Variants in KDM4C observed in about 807,000 individuals in gnomAD.
KDM4C encodes the protein lysine demethylase 4C.
Under a neutral mutation model 129.3 loss-of-function variants are expected in KDM4C, and 81 were observed. The observed-to-expected ratio is 0.63, with a 90% CI of 0.52 to 0.75. The LOEUF (loss-of-function observed/expected upper bound fraction) is 0.75, where lower values mean the gene tolerates loss of function less well. Among genes scored for constraint, KDM4C ranks in the 30% least tolerant of loss-of-function variants. KDM4C has a pLI of 0.00. For missense variants in KDM4C, 1,457 were observed against 1,304.0 expected, an observed-to-expected ratio of 1.12 and a Z score of -1.81; for synonymous variants, 573 against 456.1, an observed-to-expected ratio of 1.26 and a Z score of -3.26.
chr9:7,112,039 G>A (rs531763668), intron 18 of KDM4C, among the ~76,000 whole-genome samples: 24 of 152,002 alleles, frequency 1.6e-4, no homozygotes, highest in Non-Finnish European at 3.1e-4. Context: ...TTACCCAATA[G>A]CTGTCTCTCA....
In KDM4C at chr9:6,752,332, CAAAAAAAAAAAAAA is replaced by C. The variant is rs1159747148; in HGVS notation, c.49+31351_49+31364del. 2.1e-4 allele frequency among the ~76,000 whole-genome samples: 4 copies of C among 19,260 alleles called. No homozygotes were observed. In the East Asian group the frequency reaches 4.9e-3, roughly 24 times the overall value. The allele number at this position is 19,260 out of a possible 152,430, so 12.6% of individuals were successfully genotyped here. A position where few individuals can be genotyped will look rare whatever the true frequency, so the allele number is the denominator to read the frequency against. ...TGGGCGACAGAGCGAAACTCCGTCTCAAAAAAAAAAAAAAAAAAAAAAAAAAAAATTAAGGAGGA... is the reference window on the plus strand; with the variant it reads ...TGGGCGACAGAGCGAAACTCCGTCTCAAAAAAAAAAAAAAATTAAGGAGGA... On this transcript the variant is annotated intron_variant, in intron 1 of 17. Transcript: ENST00000536108.
intron 15 of KDM4C, among the ~76,000 whole-genome samples, chr9:7,038,744 A>C (rs1564024395): frequency 6.6e-6 from 1 of 152,032 alleles, no homozygotes; most frequent in Non-Finnish European, 1.5e-5. Flanking sequence ...GACAATGTTA[A>C]ATTCTTCTCC....
chr9:6,901,513 C>A (rs1589012272), intron 8 of KDM4C, among the ~76,000 whole-genome samples: 2 of 152,162 alleles, frequency 1.3e-5, no homozygotes, highest in East Asian at 3.8e-4. Context: ...CTTCAGACAT[C>A]TTGCTGCCAA....
chr9:7,116,799 T>C lies in KDM4C; in HGVS notation c.2611-11267T>C, dbSNP rs550585867. On this transcript the variant is annotated intron_variant, in intron 18 of 21. Transcript: ENST00000381309. ...AGTCCAGAGAAACCTAGGAAGTTTGTGTTTTCTCTTTCTCTGTCATTCTCT... is the reference window on the plus strand; with the variant it reads ...AGTCCAGAGAAACCTAGGAAGTTTGCGTTTTCTCTTTCTCTGTCATTCTCT... Among the ~76,000 whole-genome samples, 3 of 152,304 alleles carry C rather than the reference T, an allele frequency of 2.0e-5. No individual in the cohort carries two copies. In the East Asian group the frequency reaches 5.8e-4, roughly 29 times the overall value.
At chr9:6,915,776 T>G (rs1362869745) in intron 8 of KDM4C, among the ~76,000 whole-genome samples, 1 of 152,130 alleles carries the variant, frequency 6.6e-6, no homozygotes, top group African/African-American at 2.4e-5. Context: ...AAAGGGCTAG[T>G]TTTACACTTC....
intron 7 of KDM4C, among the ~76,000 whole-genome samples, 168 bp from the exon 8 acceptor site, chr9:6,892,927 A>G (rs1270220841): frequency 6.6e-6 from 1 of 152,246 alleles, no homozygotes; most frequent in Non-Finnish European, 1.5e-5. Context: ...CGTTTCCTGA[A>G]AAAGCACTAT....
intron 17 of KDM4C, among the ~76,000 whole-genome samples, chr9:7,064,838 C>A (rs1454050501): frequency 6.6e-6 from 1 of 152,140 alleles, no homozygotes; most frequent in East Asian, 1.9e-4. Flanking sequence ...GGACAGTGAA[C>A]AACTGTCTTC....
chr9:6,883,845 T>A (rs1844846860), intron 6 of KDM4C, among the ~76,000 whole-genome samples: 1 of 152,072 alleles, frequency 6.6e-6, no homozygotes, highest in Non-Finnish European at 1.5e-5. Flanking sequence ...CTTGGTGACT[T>A]GTGCGTAGAT....
Position 7,128,171 on chromosome 9 carries a change from A to T in KDM4C, c.2716A>T (p.Thr906Ser). 1 of 1,612,796 alleles carries T rather than the reference A, an allele frequency of 6.2e-7. No individual in the cohort carries two copies. Among genetic ancestry groups the T allele is most frequent in the Non-Finnish European group, 8.5e-7 (1 of 1,179,460 alleles). Residue 906 changes from threonine to serine, a missense_variant, in exon 19 of 22, where the codon ACC (threonine) becomes TCC (serine). Physicochemically the swap from Thr to Ser is moderately conservative, Grantham distance 58. Transcript: ENST00000381309. Reference sequence around the variant, plus strand: ...CAGAGTGATGGCTGTGACATCGCAGACCTTCTATGAGGTCATGTTTGATGA... The same window carrying T: ...CAGAGTGATGGCTGTGACATCGCAGTCCTTCTATGAGGTCATGTTTGATGA... ...SCRVMAVTSQ[T>S]FYEVMFDDGS...
At chr9:7,015,548 A>G (rs1159030017) in intron 14 of KDM4C, among the ~76,000 whole-genome samples, 1 of 152,162 alleles carries the variant, frequency 6.6e-6, no homozygotes, top group Non-Finnish European at 1.5e-5. Context: ...TATTTTTGAC[A>G]TTTCCTTAAA....
At chr9:6,753,868 CTTTTTTTTTTTTTTT>C (rs869158656), upstream of KDM4C, among the ~76,000 whole-genome samples, 1 of 80,368 alleles carries the variant, frequency 1.2e-5, no homozygotes, top group African/African-American at 5.1e-5. Context: ...TCATTGAATT[CTTTTTTTTTTTTTTT>C]TTTTTTTTTG....
intron 17 of KDM4C, chr9:7,076,806 G>C (rs1833975647): frequency 9.7e-7 from 1 of 1,031,514 alleles, no homozygotes; most frequent in Admixed American, 5.5e-5. Flanking sequence ...AGTCCAACGT[G>C]TCCTACTACA....
intron 21 of KDM4C, among the ~76,000 whole-genome samples, chr9:7,171,454 A>G (rs1381299419): frequency 6.6e-6 from 1 of 150,892 alleles, no homozygotes; most frequent in Admixed American, 6.6e-5. Context: ...TCTTCCTTGG[A>G]CTCCCCTCTT....
chr9:7,165,468 C>T (rs182540560), intron 20 of KDM4C, 111 bp downstream of exon 20: 1 of 1,228,340 alleles, frequency 8.1e-7, no homozygotes, highest in East Asian at 2.4e-5. Flanking sequence ...TGGGACACCT[C>T]TTATTTTATG....
intron 1 of KDM4C, among the ~76,000 whole-genome samples, chr9:6,736,150 G>T (rs143903869): frequency 1.3e-5 from 2 of 152,126 alleles, no homozygotes; most frequent in Non-Finnish European, 1.5e-5. Context: ...AAGCATTCGC[G>T]TGGTGACTTG....
intron 19 of KDM4C, among the ~76,000 whole-genome samples, chr9:7,147,310 T>G (rs1842306589): frequency 6.6e-6 from 1 of 152,112 alleles, no homozygotes; most frequent in Non-Finnish European, 1.5e-5. Flanking sequence ...GAACAAACAT[T>G]GCAGAGCAGA....
chr9:6,883,850 G>T (rs920487749), intron 6 of KDM4C, among the ~76,000 whole-genome samples: 1 of 152,024 alleles, frequency 6.6e-6, no homozygotes, highest in African/African-American at 2.4e-5. Context: ...TGACTTGTGC[G>T]TAGATTATCC....
intron 17 of KDM4C, among the ~76,000 whole-genome samples, chr9:7,084,354 GC>G (rs2132970382): frequency 6.6e-6 from 1 of 152,330 alleles, no homozygotes; most frequent in South Asian, 2.1e-4. Flanking sequence ...TTCAACATGA[GC>G]AAGACAAACG....
intron 4 of KDM4C, among the ~76,000 whole-genome samples, chr9:6,821,264 A>T (rs959029204): frequency 1.3e-5 from 2 of 152,170 alleles, no homozygotes; most frequent in African/African-American, 4.8e-5. Context: ...TCAAATGATA[A>T]TTCTAGTTCT....
Sources: gnomAD v4.1 joint callset for allele counts (sites outside exome capture counted in the v4.1 genomes callset) on GRCh38, gnomAD v4.1.1 for gene constraint, MANE v1.5 for transcripts, NCBI Gene and HGNC (gene_info 2026-07-23, HGNC 2026-07-21) for gene names.